Variants in SUN1 observed in about 807,000 individuals in gnomAD.
SUN1 encodes SUN domain-containing protein 1.
SUN1 carries 61 observed loss-of-function variants against 103.2 expected under a neutral mutation model. The ratio of observed to expected loss-of-function variants is 0.59; its 90% confidence interval spans 0.48 to 0.73. The LOEUF (loss-of-function observed/expected upper bound fraction) is 0.73, where lower values mean the gene tolerates loss of function less well. Among genes scored for constraint, SUN1 ranks in the 30% least tolerant of loss-of-function variants. SUN1 has a pLI of 0.00. For missense variants in SUN1, 1,052 were observed against 1,034.6 expected, an observed-to-expected ratio of 1.02 and a Z score of -0.23; for synonymous variants, 490 against 425.7, an observed-to-expected ratio of 1.15 and a Z score of -1.86.
chr7:852,506 TG>T (rs527445101), intron 7 of SUN1, 102 bp from the exon 8 acceptor site: 54 of 1,345,724 alleles, frequency 4.0e-5, no homozygotes, highest in African/African-American at 3.5e-4. Context: ...TTTCTAATAC[TG>T]GGGGGGTGGA....
At chr7:822,855 A>C (rs1787589492) in intron 1 of SUN1, among the ~76,000 whole-genome samples, 1 of 152,230 alleles carries the variant, frequency 6.6e-6, no homozygotes, top group East Asian at 1.9e-4. Flanking sequence ...GCCCAAGCGC[A>C]GCACACACAG....
intron 13 of SUN1, among the ~76,000 whole-genome samples, chr7:858,980 C>A (rs534804697): frequency 1.2e-3 from 183 of 152,140 alleles, no homozygotes; most frequent in Middle Eastern, 3.4e-3. Context: ...ATGGTGAAAC[C>A]GCGTCTCTAC....
At chr7:856,425 A>T (rs745877294) in intron 12 of SUN1, 24 bp downstream of exon 12, 75 of 1,613,550 alleles carry the variant, frequency 4.6e-5, no homozygotes, top group Middle Eastern at 1.6e-4. Context: ...GAAAACATTC[A>T]CTTTTGTCTT....
At chr7:864,376 C>T (rs956853959) in intron 15 of SUN1, among the ~76,000 whole-genome samples, 3 of 151,624 alleles carry the variant, frequency 2.0e-5, no homozygotes, top group African/African-American at 4.8e-5. Context: ...AGAGAAACCC[C>T]GTCTCTACTA....
At chr7:858,347 C>T (rs1306354053) in intron 13 of SUN1, among the ~76,000 whole-genome samples, 1 of 152,124 alleles carries the variant, frequency 6.6e-6, no homozygotes, top group Non-Finnish European at 1.5e-5. Context: ...GAGCCACCCA[C>T]CATGCCTGGC....
rs541063087 is a variant in SUN1 at position 864,030 on chromosome 7, G to A, written c.1865-1922G>A. On this transcript the variant is annotated intron_variant, in intron 15 of 18. Coordinates refer to ENST00000401592, the MANE Select transcript of SUN1 (RefSeq NM_001130965.3). ...TTTTATCCGAAAATTTTATTAGCTG[G>A]TATTAGATAATATCCTTCATCATTT... 2.6e-5 allele frequency among the ~76,000 whole-genome samples: 4 copies of A among 152,214 alleles called. No homozygotes were observed. In the South Asian group the frequency reaches 8.3e-4, roughly 32 times the overall value.
rs1781508485 is a variant in SUN1, at chr7:817,232, T to A, written c.-74+559T>A. On this transcript the variant is annotated intron_variant, in intron 1 of 17. Coordinates refer to the SUN1 transcript ENST00000389574. ...GCCTCCGCCTCCCGAAGCGCTCGGA[T>A]CACAGGCGTGAGCCACCGCGCCCGG... is the stretch of plus-strand genomic sequence containing the variant. The A allele has an allele frequency of 8.0e-6, 5 of 624,132 alleles. No homozygotes were observed. In the South Asian group the frequency reaches 9.1e-5, roughly 11 times the overall value. 38.7% of individuals were successfully genotyped at this position (624,132 alleles called of 1,614,324 possible).
chr7:832,452 G>A (rs1011948466), upstream of SUN1: 23 of 1,476,458 alleles, frequency 1.6e-5, no homozygotes, highest in Admixed American at 1.6e-4. Context: ...ACAGGAATGC[G>A]CTCGATTTCC....
At chr7:868,786 G>A (rs563570673) in intron 16 of SUN1, 1 of 24,138 alleles carries the variant, frequency 4.1e-5, no homozygotes, top group African/African-American at 3.2e-4. Context: ...TCCCTGTGGT[G>A]TTGGTCGGAT....
intron 12 of SUN1, among the ~76,000 whole-genome samples, chr7:857,039 CT>C (rs946992262): frequency 1.6e-4 from 25 of 152,226 alleles, no homozygotes; most frequent in African/African-American, 5.3e-4. Context: ...CACACGACCA[CT>C]GATTTGCCAA....
rs1843320009 is a variant in SUN1 at position 874,408 on chromosome 7, A to G, written c.*1077A>G. 6.5e-6 allele frequency: 1 copy of G among 152,680 alleles called. No individual in the cohort carries two copies. Among genetic ancestry groups the G allele is most frequent in the Non-Finnish European group, 1.5e-5 (1 of 68,046 alleles). The allele number at this position is 152,680 out of a possible 1,614,324, so 9.5% of individuals were successfully genotyped here. On this transcript the variant is annotated 3_prime_UTR_variant, in exon 19 of 19. Coordinates refer to ENST00000401592, the MANE Select transcript of SUN1 (RefSeq NM_001130965.3). ...CAGACTTTATAAATGAGATATCTAC[A>G]AGGCACTTAAAGTGTTACAGATGTT...
chr7:852,824 C>T lies in SUN1; in HGVS notation c.925C>T (p.Arg309Trp), dbSNP rs769867128. 22 of 1,613,146 alleles carry T rather than the reference C, an allele frequency of 1.4e-5. No individual in the cohort carries two copies. The African/African-American group carries it at 1.6e-4, about 12-fold the overall frequency. ...TTCTCTTTTAGCAGGTCTCTCCTTA[C>T]GGGGCCAGGGCAATTTCTTTTCGTT... ...LFLLLAGLSL[R>W]GQGNFFSFLP... Residue 309 changes from arginine to tryptophan, a missense_variant, in exon 9 of 19, where the codon CGG (arginine) becomes TGG (tryptophan). Transcript: ENST00000401592.
chr7:846,248 A>G (rs1815592629), intron 5 of SUN1, among the ~76,000 whole-genome samples: 1 of 151,926 alleles, frequency 6.6e-6, no homozygotes, highest in Non-Finnish European at 1.5e-5. Context: ...AGCTGGGACT[A>G]CAGGCGCCCA....
Position 853,480 on chromosome 7 carries a change from G to T in SUN1, c.1125G>T (p.Gln375His). 1 of 1,614,046 alleles carries T rather than the reference G, an allele frequency of 6.2e-7. No homozygotes were observed. Among genetic ancestry groups the T allele is most frequent in the East Asian group, 2.2e-5 (1 of 44,878 alleles). ...AGCAGGTGGCCTCTCTGTCTGGACA[G>T]TGCCACCACCATGGTGAGAATCTCC... is the stretch of plus-strand genomic sequence containing the variant. ...VEQQVASLSG[Q>H]CHHHGENLRE... The change falls in exon 10 of 19, where the codon CAG becomes CAT. Residue 375 changes from glutamine to histidine, a missense_variant. By Grantham distance (24) the Gln-to-His change is conservative. Coordinates refer to ENST00000401592, the MANE Select transcript of SUN1 (RefSeq NM_001130965.3).
intron 1 of SUN1, among the ~76,000 whole-genome samples, chr7:837,366 C>T (rs766064355): frequency 2.0e-5 from 3 of 152,208 alleles, no homozygotes; most frequent in Non-Finnish European, 4.4e-5. Context: ...GAGTTAACCT[C>T]GTGTGCCTTT....
In SUN1 at chr7:843,481, C is replaced by T; in HGVS notation, c.619C>T (p.Pro207Ser). ...CACGGCGCACCCCGCGGCCCCCGGG[C>T]CCGTGTCGAGAGTTTATTCTAGGGA... ...VLTAHPAAPG[P>S]VSRVYSRDRN... Residue 207 changes from proline (P) to serine (S), a missense_variant, in exon 5 of 19, where the codon CCC becomes TCC. Physicochemically the swap from Pro to Ser is moderately conservative, Grantham distance 74. Transcript: ENST00000401592. 6.2e-7 allele frequency: 1 copy of T among 1,614,052 alleles called. No homozygotes were observed. The highest frequency in any genetic ancestry group is 1.1e-5 in the South Asian group (1 of 91,088).
At chr7:855,134 G>T (rs975012173) in intron 11 of SUN1, 128 bp downstream of exon 11, 2 of 726,482 alleles carry the variant, frequency 2.8e-6, no homozygotes, top group African/African-American at 3.6e-5. Context: ...GTGTAAAATG[G>T]AAAGAAACAC....
At chr7:828,814 G>A (rs948785426), upstream of SUN1, among the ~76,000 whole-genome samples, 10 of 152,222 alleles carry the variant, frequency 6.6e-5, no homozygotes, top group Non-Finnish European at 7.3e-5. Context: ...AAGCCATCTC[G>A]TAGGAGGACC....
At chr7:862,510 G>A (rs746432988) in intron 15 of SUN1, among the ~76,000 whole-genome samples, 23 of 152,160 alleles carry the variant, frequency 1.5e-4, no homozygotes, top group Non-Finnish European at 1.6e-4. Context: ...TGGTGTGATC[G>A]GTGTGTGTTT....
Sources: gnomAD v4.1 joint callset for allele counts (sites outside exome capture counted in the v4.1 genomes callset) on GRCh38, gnomAD v4.1.1 for gene constraint, MANE v1.5 for transcripts, NCBI Gene and HGNC (gene_info 2026-07-23, HGNC 2026-07-21) for gene names.